The following RARA variants were observed in gnomAD, a reference collection of about 807,000 sequenced individuals.
The protein encoded by RARA is retinoic acid receptor alpha.
Under a neutral mutation model 42.8 loss-of-function variants are expected in RARA, and 5 were observed. That is an observed-to-expected ratio of 0.12 (90% CI 0.06 to 0.25). The LOEUF is 0.25. Ranked by LOEUF, RARA falls within the 10% of genes least tolerant of loss-of-function variation. The pLI is 1.00. For missense variants in RARA, 402 were observed against 628.7 expected, an observed-to-expected ratio of 0.64 and a Z score of 3.86; for synonymous variants, 256 against 259.5, an observed-to-expected ratio of 0.99 and a Z score of 0.13.
intron 1 of RARA, among the ~76,000 whole-genome samples, chr17:40,330,239 A>G (rs1598549430): frequency 6.6e-6 from 1 of 151,936 alleles, no homozygotes; most frequent in Non-Finnish European, 1.5e-5. Flanking sequence ...CACATCGCCT[A>G]CCCCTGGACC....
Position 40,352,928 on chromosome 17 carries a change from A to C in RARA, c.807+421A>C, listed in dbSNP as rs1296017522. 6.6e-6 allele frequency among the ~76,000 whole-genome samples: 1 copy of C among 152,168 alleles called. No individual in the cohort carries two copies. The highest frequency in any genetic ancestry group is 2.1e-4 in the South Asian group (1 of 4,836). On this transcript the variant is annotated intron_variant, in intron 6 of 8. Transcript: ENST00000254066. The surrounding 1 kb of genome is among the most constrained non-coding windows in gnomAD (Gnocchi z 4.9). ...ACCTTATTTCTGCAAAAAACTAAAAAGATTCACCTAGGATCCTCTGGCCAG... is the reference window on the plus strand; with the variant it reads ...ACCTTATTTCTGCAAAAAACTAAAACGATTCACCTAGGATCCTCTGGCCAG...
chr17:40,348,218 G>T, intron 2 of RARA, 98 bp from the exon 3 acceptor site: 1 of 1,387,156 alleles, frequency 7.2e-7, no homozygotes, highest in Non-Finnish European at 9.6e-7. Flanking sequence ...TGGTGAGGCT[G>T]GGAGAGGCTC....
At chr17:40,341,064 AGT>A (rs771633183) in intron 2 of RARA, 10 of 400,686 alleles carry the variant, frequency 2.5e-5, no homozygotes, top group African/African-American at 6.2e-5. Flanking sequence ...CCTTTTAGAG[AGT>A]GGGGGTAATA....
chr17:40,321,342 C>T (rs2033371508), intron 1 of RARA, among the ~76,000 whole-genome samples: 2 of 151,824 alleles, frequency 1.3e-5, no homozygotes, highest in South Asian at 2.1e-4. Context: ...GCCCTCCCCT[C>T]GCTCCCCCCT....
At chr17:40,335,244 T>C in intron 2 of RARA, among the ~76,000 whole-genome samples, 1 of 151,556 alleles carries the variant, frequency 6.6e-6, no homozygotes, top group East Asian at 1.9e-4. Flanking sequence ...GGGCACAGAG[T>C]GTTTAAAGAG....
At chr17:40,318,747 T>C (rs761488521) in intron 1 of RARA, among the ~76,000 whole-genome samples, 1 of 152,262 alleles carries the variant, frequency 6.6e-6, no homozygotes, top group Non-Finnish European at 1.5e-5. Flanking sequence ...TTCTGTTCTT[T>C]TTCTCTTTAA....
At chr17:40,312,625 G>A (rs536668642) in intron 1 of RARA, among the ~76,000 whole-genome samples, 9 of 152,336 alleles carry the variant, frequency 5.9e-5, no homozygotes, top group African/African-American at 1.9e-4. Flanking sequence ...AGACAGCAAG[G>A]AGGCATGGGG....
intron 2 of RARA, among the ~76,000 whole-genome samples, chr17:40,335,903 T>C (rs1467686580): frequency 6.6e-6 from 1 of 151,648 alleles, no homozygotes. Context: ...CTCGGGAGGC[T>C]GAGGTGGGAG....
rs376623748 is a variant in RARA, at chr17:40,314,805, T to A, written c.-363+5519T>A. ...CGGTAGGTGAGTCACTGCCCTGGCA[T>A]CTCCCCCGGATGCAGCTGAGTCACC... On this transcript the variant is annotated intron_variant, in intron 1 of 8. Coordinates refer to ENST00000254066, the MANE Select transcript of RARA (RefSeq NM_000964.4). Among the ~76,000 whole-genome samples the A allele has an allele frequency of 3.2e-3, 475 of 150,612 alleles. 2 individuals carry two copies. Among genetic ancestry groups the A allele is most frequent in the African/African-American group, 0.011 (449 of 40,864 alleles).
rs374743129 is a variant in RARA, at chr17:40,355,242, G to A, written c.1013-21G>A. On this transcript the variant is annotated intron_variant, in intron 7 of 8. Coordinates refer to ENST00000254066, the MANE Select transcript of RARA (RefSeq NM_000964.4). This position sits in a 1 kb window ranked among gnomAD's most constrained non-coding sequence, Gnocchi z 4.1. Reference sequence around the variant, plus strand: ...TGCAGCTGTGTTCCCAGCTGCTCAGGGGGTGGTTCTGCTTCCTCAGACCGC... The same window carrying A: ...TGCAGCTGTGTTCCCAGCTGCTCAGAGGGTGGTTCTGCTTCCTCAGACCGC... The A allele has an allele frequency of 2.6e-6, 4 of 1,552,028 alleles. No individual in the cohort carries two copies. The highest frequency in any genetic ancestry group is 1.2e-5 in the South Asian group (1 of 84,878).
chr17:40,355,338 T>A lies in RARA; in HGVS notation c.1088T>A (p.Val363Glu), dbSNP rs2143539615. ...EPLLEALKVYVRKRRPSRPHM... is the reference protein window; with the variant it reads ...EPLLEALKVYERKRRPSRPHM... Reference sequence around the variant, plus strand: ...CTGCTGGAGGCGCTAAAGGTCTACGTGCGGAAGCGGAGGCCCAGCCGCCCC... The same window carrying A: ...CTGCTGGAGGCGCTAAAGGTCTACGAGCGGAAGCGGAGGCCCAGCCGCCCC... Residue 363 changes from valine (V) to glutamate (E), a missense_variant, in exon 8 of 9, where the codon GTG becomes GAG. Val to Glu is a moderately radical substitution (Grantham distance 121). Transcript: ENST00000254066. The surrounding 1 kb of genome is among the most constrained non-coding windows in gnomAD (Gnocchi z 4.1). 6.2e-7 allele frequency: 1 copy of A among 1,612,920 alleles called. No individual in the cohort carries two copies. The highest frequency in any genetic ancestry group is 8.5e-7 in the Non-Finnish European group (1 of 1,179,566).
rs534277133 is a variant in RARA, at chr17:40,323,733, G to T, written c.-362-7124G>T. Among the ~76,000 whole-genome samples the T allele has an allele frequency of 4.1e-5, 6 of 145,524 alleles. No homozygotes were observed. In the South Asian group the frequency reaches 9.0e-4, roughly 22 times the overall value. On this transcript the variant is annotated intron_variant, in intron 1 of 8. Coordinates refer to ENST00000254066, the MANE Select transcript of RARA (RefSeq NM_000964.4). ...CGGGTGTGGAGTAGGAAGTTGCTTGGGGGGGGGTCAATGGGTCGGAGGGGG... is the reference window on the plus strand; with the variant it reads ...CGGGTGTGGAGTAGGAAGTTGCTTGTGGGGGGGTCAATGGGTCGGAGGGGG...
chr17:40,355,407 G>A lies in RARA; in HGVS notation c.1157G>A (p.Ser386Asn), dbSNP rs1417493977. Residue 386 changes from serine to asparagine, a missense_variant, in exon 8 of 9, where the codon AGC becomes AAC. Ser to Asn is a conservative substitution (Grantham distance 46, BLOSUM62 1). Around this residue, in one of 5 missense-constraint regions of RARA, gnomAD observed 104 missense variants for 160.1 expected, o/e 0.65. Transcript: ENST00000254066. This position sits in a 1 kb window ranked among gnomAD's most constrained non-coding sequence, Gnocchi z 4.1. ...KMLMKITDLR[S>N]ISAKGAERVI... is the part of the protein sequence containing the mutation. ...CTAATGAAGATTACTGACCTGCGAA[G>A]CATCAGCGCCAAGGGTGAGGCTCAC... 6.2e-7 allele frequency: 1 copy of A among 1,613,910 alleles called. No homozygotes were observed. The highest frequency in any genetic ancestry group is 1.1e-5 in the South Asian group (1 of 91,052).
intron 1 of RARA, among the ~76,000 whole-genome samples, chr17:40,323,574 G>T (rs1416675792): frequency 6.6e-6 from 1 of 151,938 alleles, no homozygotes; most frequent in Non-Finnish European, 1.5e-5. Flanking sequence ...CCCTTGTCTG[G>T]CAGGCGCTCT....
In RARA at chr17:40,352,628, C is replaced by G; in HGVS notation, c.807+121C>G. 3.1e-6 allele frequency: 3 copies of G among 961,654 alleles called. No homozygotes were observed. Among genetic ancestry groups the G allele is most frequent in the Non-Finnish European group, 4.4e-6 (3 of 680,536 alleles). The allele number at this position is 961,654 out of a possible 1,614,324, so 59.6% of individuals were successfully genotyped here. On this transcript the variant is annotated intron_variant, in intron 6 of 8. Coordinates refer to ENST00000254066, the MANE Select transcript of RARA (RefSeq NM_000964.4). The surrounding 1 kb of genome is among the most constrained non-coding windows in gnomAD (Gnocchi z 4.9). Reference sequence around the variant, plus strand: ...ATCAACCTGTCCAAATGCCCACCGCCCAAATGTCTGCCCTTCCTCTCCCCA... The same window carrying G: ...ATCAACCTGTCCAAATGCCCACCGCGCAAATGTCTGCCCTTCCTCTCCCCA...
At chr17:40,342,680 G>A in intron 2 of RARA, 3 of 1,601,838 alleles carry the variant, frequency 1.9e-6, no homozygotes. Context: ...TTCCCAGCTC[G>A]GACCTCTTGC....
intron 6 of RARA, among the ~76,000 whole-genome samples, chr17:40,353,947 G>T (rs539342201): frequency 6.6e-6 from 1 of 152,228 alleles, no homozygotes; most frequent in East Asian, 1.9e-4. Context: ...GAAATTCTAG[G>T]TCCCCTCTAC....
In RARA at chr17:40,357,473, T is replaced by G; in HGVS notation, c.*1247T>G. 1 of 134,324 alleles carries G rather than the reference T, an allele frequency of 7.4e-6. No homozygotes were observed. The highest frequency in any genetic ancestry group is 1.4e-5 in the Non-Finnish European group (1 of 72,414). 8.3% of individuals were successfully genotyped at this position (134,324 alleles called of 1,614,324 possible). On this transcript the variant is annotated 3_prime_UTR_variant, in exon 9 of 9. Coordinates refer to ENST00000254066, the MANE Select transcript of RARA (RefSeq NM_000964.4). ...CCCTCCTTACCCCGCAGGACGGGCC[T>G]ACAGGGGGGTCTCCCCTCACCCCTG...
intron 2 of RARA, 111 bp downstream of exon 2, chr17:40,331,507 G>A (rs1301624396): frequency 6.2e-6 from 8 of 1,285,466 alleles, no homozygotes; most frequent in South Asian, 3.1e-5. Context: ...CACGGTGAGC[G>A]ACAAGGTCTT....
Sources: allele counts gnomAD v4.1 joint callset (sites outside exome capture counted in the v4.1 genomes callset), GRCh38; gene constraint gnomAD v4.1.1; regional missense constraint gnomAD v4.1.1; non-coding constraint Gnocchi (gnomAD v3.1); transcripts MANE v1.5; gene names NCBI Gene and HGNC (gene_info 2026-07-23, HGNC 2026-07-21).